Variants in B3GALT1 observed in about 807,000 individuals in gnomAD.
B3GALT1 encodes the protein UDP-Gal:betaGlcNAc beta 1,3-galactosyltransferase, polypeptide 1.
B3GALT1 carries 10 observed loss-of-function variants against 23.2 expected under a neutral mutation model. The ratio of observed to expected loss-of-function variants is 0.43; its 90% CI spans 0.27 to 0.73. The LOEUF (loss-of-function observed/expected upper bound fraction) is 0.73, where lower values mean the gene tolerates loss of function less well. Among genes scored for constraint, B3GALT1 ranks in the 30% least tolerant of loss-of-function variants. The probability of loss-of-function intolerance (pLI) is 0.21; values close to 1 mark genes in which losing one functional copy is unlikely to be tolerated. For missense variants in B3GALT1, 299 were observed against 405.4 expected (o/e 0.74, Z 2.25); for synonymous variants, 156 against 141.5 (o/e 1.10, Z -0.73).
intron 3 of B3GALT1, among the ~76,000 whole-genome samples, chr2:167,669,051 C>T (rs893078886): frequency 2.6e-5 from 4 of 152,182 alleles, no homozygotes; most frequent in Admixed American, 1.3e-4. Flanking sequence ...CATTCTACTG[C>T]CTTTCTCTTT....
intron 1 of B3GALT1, among the ~76,000 whole-genome samples, chr2:167,421,143 G>T (rs929643044): frequency 6.6e-6 from 1 of 152,136 alleles, no homozygotes; most frequent in Non-Finnish European, 1.5e-5. Context: ...ACTGTCTGTT[G>T]TGGTAAGTAC....
intron 1 of B3GALT1, among the ~76,000 whole-genome samples, chr2:167,429,840 A>T (rs564091506): frequency 6.6e-6 from 1 of 152,356 alleles, no homozygotes; most frequent in African/African-American, 2.4e-5. Context: ...CCAAGTGACA[A>T]ATTTATGTTA....
intron 1 of B3GALT1, among the ~76,000 whole-genome samples, chr2:167,371,333 A>G (rs553070401): frequency 4.5e-4 from 68 of 152,314 alleles, no homozygotes; most frequent in African/African-American, 1.6e-3. Context: ...AAAAATTACA[A>G]AATAGGCCCC....
chr2:167,488,574 A>G (rs1699658629), intron 1 of B3GALT1, among the ~76,000 whole-genome samples: 1 of 152,194 alleles, frequency 6.6e-6, no homozygotes, highest in South Asian at 2.1e-4. Flanking sequence ...CCTCGGTCCT[A>G]TTGTTTGTCT....
At chr2:167,683,298 T>C (rs1052462204) in intron 3 of B3GALT1, among the ~76,000 whole-genome samples, 19 of 152,068 alleles carry the variant, frequency 1.2e-4, no homozygotes, top group Admixed American at 1.2e-3. Flanking sequence ...AGGTGCAGGG[T>C]GATCAAAATA....
At chr2:167,558,388 T>A (rs939328103) in intron 2 of B3GALT1, 1 of 153,076 alleles carries the variant, frequency 6.5e-6, no homozygotes. Context: ...ACGCAGAAGA[T>A]GGGTGATTTC....
At chr2:167,344,258 T>TCAAACA (rs1697193094) in intron 1 of B3GALT1, among the ~76,000 whole-genome samples, 1 of 152,176 alleles carries the variant, frequency 6.6e-6, no homozygotes, top group East Asian at 1.9e-4. Context: ...AACAAACTTT[T>TCAAACA]ATCTACTCGC....
At chr2:167,703,474 T>A (rs1686912479) in intron 3 of B3GALT1, among the ~76,000 whole-genome samples, 1 of 145,370 alleles carries the variant, frequency 6.9e-6, no homozygotes, top group Non-Finnish European at 1.5e-5. Context: ...TTTTTTCTCT[T>A]TAACAGTTGG....
chr2:167,330,988 A>T (rs944987903), intron 1 of B3GALT1, among the ~76,000 whole-genome samples: 4 of 151,750 alleles, frequency 2.6e-5, no homozygotes, highest in Admixed American at 6.6e-5. Context: ...ATTTACTTTC[A>T]TATGGACGGA....
chr2:167,698,907 A>G (rs1219220574), intron 3 of B3GALT1, among the ~76,000 whole-genome samples: 1 of 152,214 alleles, frequency 6.6e-6, no homozygotes, highest in Non-Finnish European at 1.5e-5. Flanking sequence ...TTATCATTGA[A>G]TACATAATAA....
chr2:167,660,469 T>C (rs1686036801), intron 3 of B3GALT1, among the ~76,000 whole-genome samples: 1 of 152,116 alleles, frequency 6.6e-6, no homozygotes, highest in African/African-American at 2.4e-5. Context: ...GCAAAGGTAC[T>C]GTGAGGGAAG....
At chr2:167,715,533 C>G in intron 3 of B3GALT1, 1 of 1,613,618 alleles carries the variant, frequency 6.2e-7, no homozygotes, top group Non-Finnish European at 8.5e-7. Context: ...TTTGACTCAT[C>G]TTCTAGAGAT....
intron 3 of B3GALT1, among the ~76,000 whole-genome samples, chr2:167,810,867 C>T (rs1362143546): frequency 6.6e-6 from 1 of 152,190 alleles, no homozygotes; most frequent in South Asian, 2.1e-4. Flanking sequence ...TGTACAGCTT[C>T]CTCCTGAGAA....
intron 4 of B3GALT1, among the ~76,000 whole-genome samples, chr2:167,835,978 G>A (rs1344519056): frequency 6.6e-6 from 1 of 152,172 alleles, no homozygotes; most frequent in African/African-American, 2.4e-5. Flanking sequence ...CTGTCTGTTT[G>A]TTAGAAGGAA....
At position 167,293,265 on chromosome 2, in the gene B3GALT1, C is replaced by G. The variant is rs143685188; in HGVS notation, c.-580C>G. On this transcript the variant is annotated 5_prime_UTR_variant, in exon 1 of 5. Transcript: ENST00000392690. ...AGCGGCAGCGGAGCAGCAGCATCTT[C>G]GGGACCCTGGCTGCAGCGTCCCTGT... The G allele has an allele frequency of 6.6e-6, 1 of 152,294 alleles. No individual in the cohort carries two copies. Among genetic ancestry groups the G allele is most frequent in the Non-Finnish European group, 1.5e-5 (1 of 68,086 alleles). The allele number at this position is 152,294 out of a possible 1,614,324, so 9.4% of individuals were successfully genotyped here. A position where few individuals can be genotyped will look rare whatever the true frequency, so the allele number is the denominator to read the frequency against.
At chr2:167,321,159 C>T (rs1696805292) in intron 1 of B3GALT1, among the ~76,000 whole-genome samples, 1 of 151,594 alleles carries the variant, frequency 6.6e-6, no homozygotes, top group African/African-American at 2.4e-5. Flanking sequence ...TAATATGACC[C>T]CCCAATCTAT....
At chr2:167,496,806 C>T (rs1284860348) in intron 2 of B3GALT1, among the ~76,000 whole-genome samples, 1 of 152,136 alleles carries the variant, frequency 6.6e-6, no homozygotes, top group East Asian at 1.9e-4. Context: ...AGCCAGTTCC[C>T]TCTCTTTCTA....
intron 3 of B3GALT1, among the ~76,000 whole-genome samples, chr2:167,795,985 T>G (rs967922148): frequency 1.3e-5 from 2 of 152,224 alleles, no homozygotes; most frequent in East Asian, 3.8e-4. Context: ...GCTTTAATGT[T>G]TGTTCATGGC....
At chr2:167,520,480 A>G (rs73024084) in intron 2 of B3GALT1, among the ~76,000 whole-genome samples, 1,582 of 152,250 alleles carry the variant, frequency 0.01, 24 homozygotes, top group African/African-American at 0.036. Context: ...GAAGCATCCC[A>G]GGAGTTTTCT....
Sources: gnomAD v4.1 joint callset for allele counts (sites outside exome capture counted in the v4.1 genomes callset) on GRCh38, gnomAD v4.1.1 for gene constraint, MANE v1.5 for transcripts, NCBI Gene and HGNC (gene_info 2026-07-23, HGNC 2026-07-21) for gene names.